VCX: variants seen among roughly 807,000 people sequenced by gnomAD.
VCX encodes the protein variable charge X-linked protein 1.
For missense variants in VCX, 45 were observed against 171.8 expected (o/e 0.26, Z 4.13); for synonymous variants, 17 against 79.4 (o/e 0.21, Z 4.18).
chrX:7,842,625 A>G (rs1426492011), upstream of VCX: 1 of 126,876 alleles, frequency 7.9e-6, no homozygotes, highest in Non-Finnish European at 1.6e-5. Flanking sequence ...ACCTCAGGTG[A>G]TCCAGCCACC....
In VCX at chrX:7,843,216, C is replaced by G. The variant is rs1922433182; in HGVS notation, c.13C>G (p.Pro5Ala). ...TGAGCTGCGGAAGATGAGTCCAAAG[C>G]CGAGAGCCTCGGGACCTCCGGCCAA... is the stretch of plus-strand genomic sequence containing the variant. MSPK[P>A]RASGPPAKAT... is the part of the protein sequence containing the mutation. The change falls in exon 1 of 2, where the codon CCG becomes GCG. Residue 5 changes from proline to alanine, a missense_variant. Physicochemically the swap from Pro to Ala is conservative, Grantham distance 27 (BLOSUM62 -1). Coordinates refer to ENST00000688183, the MANE Select transcript of VCX (RefSeq NM_001393662.1). 1 of 1,187,118 alleles carries G rather than the reference C, an allele frequency of 8.4e-7. No homozygotes were observed. The highest frequency in any genetic ancestry group is 1.8e-5 in the African/African-American group (1 of 54,148).
chrX:7,842,506 C>T, upstream of VCX: 1 of 113,917 alleles, frequency 8.8e-6, no homozygotes, highest in Non-Finnish European at 1.8e-5. Context: ...CCTGCCTCAG[C>T]CTCCTGAGTA....
chrX:7,842,341 C>A (rs1440222882), upstream of VCX: 1 of 104,564 alleles, frequency 9.6e-6, no homozygotes, highest in Non-Finnish European at 1.9e-5. Context: ...CAAGGTGCAG[C>A]AGAGGAATTT....
At chrX:7,843,365 C>G in intron 1 of VCX, 60 bp downstream of exon 1, 1 of 1,198,161 alleles carries the variant, frequency 8.3e-7, no homozygotes, top group Non-Finnish European at 1.1e-6. Context: ...CACAAGAAGC[C>G]TCTCCTGTCC....
At chrX:7,843,166 G>C, upstream of VCX, 4 of 1,162,610 alleles carry the variant, frequency 3.4e-6, 1 homozygote, top group Non-Finnish European at 4.6e-6. Flanking sequence ...AGGCAGCCTG[G>C]AGTTAGCCGA....
upstream of VCX, chrX:7,843,140 T>C (rs1601627131): frequency 4.4e-6 from 5 of 1,125,003 alleles, no homozygotes; most frequent in East Asian, 6.1e-5. Flanking sequence ...GCGAGAGGGG[T>C]ATATACAGGG....
At chrX:7,842,410 G>T (rs1922395564), upstream of VCX, 1 of 88,535 alleles carries the variant, frequency 1.1e-5, no homozygotes, top group Non-Finnish European at 2.2e-5. Flanking sequence ...TTTTGAGGCA[G>T]AGTTTTGCTC....
At position 7,843,656 on chromosome X, in the gene VCX, C is replaced by T. The variant is rs377239917; in HGVS notation, c.261C>T (p.His87=). The stretch of plus-strand genomic sequence containing the variant: ...AGCCCAGCCAGGAGCTCCCTCAGCA[C>T]GAGCTGCCGCCGGAGGAGCCAGTGA... The part of the protein sequence containing the change: ...SDQPSQELPQ[H]ELPPEEPVSE... Residue 87 remains histidine, a synonymous_variant, in exon 2 of 2, where the codon CAC becomes CAT. Coordinates refer to ENST00000688183, the MANE Select transcript of VCX (RefSeq NM_001393662.1). 2.2e-5 allele frequency: 25 copies of T among 1,122,218 alleles called. No homozygotes were observed. The highest frequency in any genetic ancestry group is 1.7e-4 in the South Asian group (9 of 53,691). The allele number at this position is 1,122,218 out of a possible 1,213,427, so 92.5% of individuals were successfully genotyped here.
rs1922512897 is a variant in VCX, at chrX:7,843,943, CA to C, written c.549del (p.Leu184Ter). On this transcript the variant is annotated frameshift_variant, in exon 2 of 2. Coordinates refer to ENST00000688183, the MANE Select transcript of VCX (RefSeq NM_001393662.1). LOFTEE classifies it high-confidence loss of function. ...PLSQESEMEE[P>X]LSQESQVEEP... ...AGTCAGGAGAGCGAGATGGAAGAACCACTGAGTCAGGAGAGCCAGGTGGAGG... is the reference window on the plus strand; with the variant it reads ...AGTCAGGAGAGCGAGATGGAAGAACCCTGAGTCAGGAGAGCCAGGTGGAGG... 1.3e-6 allele frequency: 1 copy of C among 798,234 alleles called. No homozygotes were observed. 65.8% of individuals were successfully genotyped at this position (798,234 alleles called of 1,213,427 possible).
intron 1 of VCX, 47 bp from the exon 2 acceptor site, chrX:7,843,451 C>G (rs770368088): frequency 4.6e-6 from 5 of 1,082,394 alleles, no homozygotes; most frequent in African/African-American, 1.8e-5. Flanking sequence ...CCTCCATCCT[C>G]GTCCCTAAAC....
chrX:7,843,977 G>C lies in VCX; in HGVS notation c.582G>C (p.Pro194=). 1.1e-6 allele frequency: 1 copy of C among 924,438 alleles called. No individual in the cohort carries two copies. 76.2% of individuals were successfully genotyped at this position (924,438 alleles called of 1,213,427 possible). A position where few individuals can be genotyped will look rare whatever the true frequency, so the allele number is the denominator to read the frequency against. Residue 194 remains proline (P), a synonymous_variant, in exon 2 of 2, where the codon CCG becomes CCC. Transcript: ENST00000688183. ...LSQESQVEEP[P]SQESEMEELP... ...AGGAGAGCCAGGTGGAGGAACCACC[G>C]AGTCAGGAGAGCGAGATGGAAGAAC...
chrX:7,844,080 A>T lies in VCX; in HGVS notation c.*64A>T. The T allele has an allele frequency of 1.8e-6, 2 of 1,116,237 alleles. No individual in the cohort carries two copies. The highest frequency in any genetic ancestry group is 1.8e-5 in the South Asian group (1 of 54,186). 92.0% of individuals were successfully genotyped at this position (1,116,237 alleles called of 1,213,427 possible). On this transcript the variant is annotated 3_prime_UTR_variant, in exon 2 of 2. Coordinates refer to ENST00000688183, the MANE Select transcript of VCX (RefSeq NM_001393662.1). Reference sequence around the variant, plus strand: ...AGTTCAGGCCCAGCCGCCAGACCTCAGAGATCTCACCAGCGGGGTGCTTGC... The same window carrying T: ...AGTTCAGGCCCAGCCGCCAGACCTCTGAGATCTCACCAGCGGGGTGCTTGC...
In VCX at chrX:7,844,139, A is replaced by G; in HGVS notation, c.*123A>G. 1 of 888,204 alleles carries G rather than the reference A, an allele frequency of 1.1e-6. No homozygotes were observed. Among genetic ancestry groups the G allele is most frequent in the South Asian group, 2.1e-5 (1 of 46,967 alleles). 73.2% of individuals were successfully genotyped at this position (888,204 alleles called of 1,213,427 possible). A position where few individuals can be genotyped will look rare whatever the true frequency, so the allele number is the denominator to read the frequency against. On this transcript the variant is annotated 3_prime_UTR_variant, in exon 2 of 2. Coordinates refer to ENST00000688183, the MANE Select transcript of VCX (RefSeq NM_001393662.1). ...AGATAATAAAATGAATGTGTTGCAAATTGATCTGAGTGACTCTGTGTTCTC... is the reference window on the plus strand; with the variant it reads ...AGATAATAAAATGAATGTGTTGCAAGTTGATCTGAGTGACTCTGTGTTCTC...
upstream of VCX, chrX:7,842,718 C>T (rs1433216355): frequency 5.2e-6 from 1 of 192,284 alleles, no homozygotes; most frequent in African/African-American, 3.1e-5. Context: ...TCCGTCTATC[C>T]CAGTTAGCAT....
chrX:7,843,977 G>A lies in VCX; in HGVS notation c.582G>A (p.Pro194=), dbSNP rs764316338. ...LSQESQVEEP[P]SQESEMEELP... ...AGGAGAGCCAGGTGGAGGAACCACC[G>A]AGTCAGGAGAGCGAGATGGAAGAAC... The change falls in exon 2 of 2, where the codon CCG becomes CCA. Residue 194 remains proline (P), a synonymous_variant. Transcript: ENST00000688183. 9.8e-6 allele frequency: 9 copies of A among 919,704 alleles called. No individual in the cohort carries two copies. The highest frequency in any genetic ancestry group is 1.4e-5 in the Non-Finnish European group (9 of 663,775). 75.8% of individuals were successfully genotyped at this position (919,704 alleles called of 1,213,427 possible).
Position 7,843,687 on chromosome X carries a change from G to T in VCX, c.292G>T (p.Gly98Trp), listed in dbSNP as rs149073429. 9.0e-7 allele frequency: 1 copy of T among 1,112,599 alleles called. No individual in the cohort carries two copies. The highest frequency in any genetic ancestry group is 3.1e-5 in the East Asian group (1 of 32,503). 91.7% of individuals were successfully genotyped at this position (1,112,599 alleles called of 1,213,427 possible). A position where few individuals can be genotyped will look rare whatever the true frequency, so the allele number is the denominator to read the frequency against. ...ELPPEEPVSE[G>W]TQHDPLSQEA... ...GCCGCCGGAGGAGCCAGTGAGCGAG[G>T]GGACCCAGCACGACCCCCTGAGTCA... The change falls in exon 2 of 2, where the codon GGG becomes TGG. Residue 98 changes from glycine (G) to tryptophan (W), a missense_variant. Physicochemically the swap from Gly to Trp is radical, Grantham distance 184. Transcript: ENST00000688183.
At chrX:7,843,168 G>C, upstream of VCX, 1 of 1,163,182 alleles carries the variant, frequency 8.6e-7, no homozygotes, top group East Asian at 3.0e-5. Flanking sequence ...GCAGCCTGGA[G>C]TTAGCCGACC....
rs758439836 is a variant in VCX at position 7,843,340 on chromosome X, C to A, written c.102+35C>A. Reference sequence around the variant, plus strand: ...CCTCCCAAGCTCCTCCTCGTCTTCCCCTCGCCTCCTTCCTCACAAGAAGCC... The same window carrying A: ...CCTCCCAAGCTCCTCCTCGTCTTCCACTCGCCTCCTTCCTCACAAGAAGCC... On this transcript the variant is annotated intron_variant, in intron 1 of 1. Transcript: ENST00000688183. 2.5e-6 allele frequency: 3 copies of A among 1,197,694 alleles called. No individual in the cohort carries two copies. The South Asian group carries it at 5.3e-5, about 21-fold the overall frequency.
Position 7,843,968 on chromosome X carries a change from G to T in VCX, c.573G>T (p.Glu191Asp), listed in dbSNP as rs202104850. ...EEPLSQESQVEEPPSQESEME... is the reference protein window; with the variant it reads ...EEPLSQESQVDEPPSQESEME... ...CACTGAGTCAGGAGAGCCAGGTGGA[G>T]GAACCACCGAGTCAGGAGAGCGAGA... Residue 191 changes from glutamate (E) to aspartate (D), a missense_variant, in exon 2 of 2, where the codon GAG becomes GAT. By Grantham distance (45) the Glu-to-Asp change is conservative. Transcript: ENST00000688183. 1.3e-6 allele frequency: 1 copy of T among 785,346 alleles called. No homozygotes were observed. Among genetic ancestry groups the T allele is most frequent in the Non-Finnish European group, 1.8e-6 (1 of 564,495 alleles). The allele number at this position is 785,346 out of a possible 1,213,427, so 64.7% of individuals were successfully genotyped here. A position where few individuals can be genotyped will look rare whatever the true frequency, so the allele number is the denominator to read the frequency against.
Sources: gnomAD v4.1 joint callset for allele counts on GRCh38, gnomAD v4.1.1 for gene constraint, MANE v1.5 for transcripts, NCBI Gene and HGNC (gene_info 2026-07-23, HGNC 2026-07-21) for gene names.